FRMD4B: variants seen among roughly 807,000 people sequenced by gnomAD.
FRMD4B encodes the protein FERM domain-containing protein 4B.
A neutral mutation model predicts 141.5 loss-of-function variants in FRMD4B; 74 were observed. That is an observed-to-expected ratio of 0.52 (90% CI 0.43 to 0.63). The LOEUF (loss-of-function observed/expected upper bound fraction) is 0.63, where lower values mean the gene tolerates loss of function less well. Among genes scored for constraint, FRMD4B ranks in the 30% least tolerant of loss-of-function variants. FRMD4B has a pLI of 0.00. For missense variants in FRMD4B, 1,366 were observed against 1,253.4 expected (o/e 1.09, Z -1.36); for synonymous variants, 506 against 467.9 (o/e 1.08, Z -1.05).
intron 1 of FRMD4B, chr3:69,472,107 A>G (rs984901280): frequency 5.0e-6 from 1 of 198,994 alleles, no homozygotes; most frequent in African/African-American, 2.3e-5. Context: ...CCAAAGGACT[A>G]AAGCTTAAAG....
chr3:69,249,128 T>C (rs1045174906), intron 7 of FRMD4B, 98 bp downstream of exon 7: 15 of 753,054 alleles, frequency 2.0e-5, no homozygotes, highest in African/African-American at 1.6e-4. Flanking sequence ...ACAGATCTAC[T>C]TTCCTTTGAT....
At chr3:69,423,909 G>A (rs538906339) in intron 2 of FRMD4B, among the ~76,000 whole-genome samples, 44 of 152,234 alleles carry the variant, frequency 2.9e-4, no homozygotes, top group African/African-American at 9.9e-4. Flanking sequence ...AGAACTGTGA[G>A]AAATACATTT....
chr3:69,498,511 T>C (rs1706439645), intron 1 of FRMD4B, among the ~76,000 whole-genome samples: 1 of 152,192 alleles, frequency 6.6e-6, no homozygotes, highest in South Asian at 2.1e-4. Flanking sequence ...AAATATAGCA[T>C]GCTCTTCAAG....
At chr3:69,500,659 T>C (rs1313068640) in intron 1 of FRMD4B, among the ~76,000 whole-genome samples, 4 of 152,002 alleles carry the variant, frequency 2.6e-5, no homozygotes, top group African/African-American at 9.7e-5. Context: ...TACCTGAACC[T>C]GGTAAGAACT....
intron 1 of FRMD4B, among the ~76,000 whole-genome samples, chr3:69,383,010 A>C (rs371473049): frequency 6.6e-6 from 1 of 152,206 alleles, no homozygotes; most frequent in African/African-American, 2.4e-5. Flanking sequence ...AATAAAAAAA[A>C]TCCTAACTCA....
At chr3:69,399,566 T>C (rs1349768232) in intron 2 of FRMD4B, among the ~76,000 whole-genome samples, 1 of 152,214 alleles carries the variant, frequency 6.6e-6, no homozygotes, top group East Asian at 1.9e-4. Flanking sequence ...TGTGTTCCTG[T>C]TTTATGTTTT....
chr3:69,385,699 C>G, intron 1 of FRMD4B, 129 bp downstream of exon 1: 1 of 779,016 alleles, frequency 1.3e-6, no homozygotes, highest in Non-Finnish European at 1.9e-6. Flanking sequence ...AGCGTTTGAC[C>G]CAAGGGCCAA....
At chr3:69,238,734 A>G (rs886678314) in intron 7 of FRMD4B, among the ~76,000 whole-genome samples, 7 of 152,222 alleles carry the variant, frequency 4.6e-5, no homozygotes, top group Admixed American at 3.3e-4. Context: ...GCAGTGATCC[A>G]TGATCATGCC....
At chr3:69,488,034 AAAAGAAAGAGAAAG>A in intron 1 of FRMD4B, among the ~76,000 whole-genome samples, 1 of 152,296 alleles carries the variant, frequency 6.6e-6, no homozygotes, top group South Asian at 2.1e-4. Context: ...AAGGGAAAGA[AAAAGAAAGAGAAAG>A]AAAGAAAGAA....
chr3:69,317,727 C>T lies in FRMD4B; in HGVS notation c.163-4210G>A, dbSNP rs1290990018. Reference sequence around the variant, plus strand: ...CCAAGATCGTGCCACTGCACTCCAGCCTAGGTGACAGAGCAAGACACCAAC... The same window carrying T: ...CCAAGATCGTGCCACTGCACTCCAGTCTAGGTGACAGAGCAAGACACCAAC... On this transcript the variant is annotated intron_variant, in intron 1 of 22. Coordinates refer to ENST00000398540, the MANE Select transcript of FRMD4B (RefSeq NM_015123.3). Among the ~76,000 whole-genome samples the T allele has an allele frequency of 2.3e-5, 3 of 132,160 alleles. No individual in the cohort carries two copies. The East Asian group carries it at 6.9e-4, about 30-fold the overall frequency. The allele number at this position is 132,160 out of a possible 152,430, so 86.7% of individuals were successfully genotyped here. A position where few individuals can be genotyped will look rare whatever the true frequency, so the allele number is the denominator to read the frequency against.
At chr3:69,506,326 G>A (rs1024566086) in intron 1 of FRMD4B, among the ~76,000 whole-genome samples, 1 of 151,994 alleles carries the variant, frequency 6.6e-6, no homozygotes, top group Non-Finnish European at 1.5e-5. Context: ...ATTTTACACA[G>A]GATATCCAAT....
At position 69,196,865 on chromosome 3, in the gene FRMD4B, A is replaced by T. The variant is rs370579929; in HGVS notation, c.1092+35T>A. The T allele has an allele frequency of 2.8e-5, 43 of 1,526,660 alleles. No homozygotes were observed. In the African/African-American group the frequency reaches 5.6e-4, roughly 20 times the overall value. The allele number at this position is 1,526,660 out of a possible 1,614,324, so 94.6% of individuals were successfully genotyped here. A position where few individuals can be genotyped will look rare whatever the true frequency, so the allele number is the denominator to read the frequency against. ...TCTTCTGAACAGAATGCAAAAGGGG[A>T]ATCTGTCCCTATAGAAATGATGCCA... is the stretch of plus-strand genomic sequence containing the variant. On this transcript the variant is annotated intron_variant, in intron 13 of 22. Transcript: ENST00000398540.
chr3:69,318,572 C>T (rs965460260), intron 1 of FRMD4B, among the ~76,000 whole-genome samples: 3 of 152,104 alleles, frequency 2.0e-5, no homozygotes, highest in Admixed American at 6.5e-5. Context: ...TACATGTCCG[C>T]GCAGCACACA....
chr3:69,198,518 A>G, intron 12 of FRMD4B, 180 bp downstream of exon 12: 1 of 584,808 alleles, frequency 1.7e-6, no homozygotes, highest in Admixed American at 3.1e-5. Context: ...TTTGAAAAGC[A>G]GCCTTGCCAT....
intron 7 of FRMD4B, among the ~76,000 whole-genome samples, chr3:69,247,106 GATA>G (rs753955424): frequency 2.0e-5 from 3 of 152,256 alleles, no homozygotes; most frequent in Non-Finnish European, 2.9e-5. Context: ...TAATAATGAG[GATA>G]ATAATAACTA....
At chr3:69,491,742 C>CAAAT (rs1706303855) in intron 1 of FRMD4B, among the ~76,000 whole-genome samples, 1 of 152,172 alleles carries the variant, frequency 6.6e-6, no homozygotes, top group Non-Finnish European at 1.5e-5. Flanking sequence ...ACATCACATC[C>CAAAT]AAATAACTTG....
At chr3:69,420,223 G>A (rs1336840917) in intron 2 of FRMD4B, among the ~76,000 whole-genome samples, 4 of 150,104 alleles carry the variant, frequency 2.7e-5, no homozygotes, top group African/African-American at 9.8e-5. Flanking sequence ...CTCAGAAGGG[G>A]CGTGGCTTGA....
intron 2 of FRMD4B, among the ~76,000 whole-genome samples, chr3:69,422,801 GA>G (rs80030702): frequency 0.01 from 1,500 of 149,250 alleles, 17 homozygotes; most frequent in African/African-American, 0.023. Flanking sequence ...AATGAAAAAG[GA>G]AAAAAAAAAC....
Position 69,506,674 on chromosome 3 carries a change from T to C in FRMD4B, c.-129+35532A>G, listed in dbSNP as rs1256513500. Among the ~76,000 whole-genome samples the C allele has an allele frequency of 2.6e-5, 4 of 152,032 alleles. No homozygotes were observed. The East Asian group carries it at 7.7e-4, about 29-fold the overall frequency. On this transcript the variant is annotated intron_variant, in intron 1 of 5. Transcript: ENST00000459638. Reference sequence around the variant, plus strand: ...CCTCAGCCTCCTGAGTCTGGGACTATAGGCGGGGGCCACCACACCCAGCTA... The same window carrying C: ...CCTCAGCCTCCTGAGTCTGGGACTACAGGCGGGGGCCACCACACCCAGCTA...
Sources: allele counts gnomAD v4.1 joint callset (sites outside exome capture counted in the v4.1 genomes callset), GRCh38; gene constraint gnomAD v4.1.1; transcripts MANE v1.5; gene names NCBI Gene and HGNC (gene_info 2026-07-23, HGNC 2026-07-21).